The following CDKL4 variants were observed in gnomAD, a reference collection of about 807,000 sequenced individuals.
CDKL4 encodes the protein cyclin dependent kinase like 4.
A neutral mutation model predicts 42.0 loss-of-function variants in CDKL4; 44 were observed. The observed-to-expected ratio is 1.05, with a 90% CI of 0.82 to 1.35. CDKL4 has a LOEUF of 1.35. Among genes scored for constraint, CDKL4 ranks in the 40% most tolerant of loss-of-function variants. The pLI is 0.00. For missense variants in CDKL4, 393 were observed against 369.9 expected, an observed-to-expected ratio of 1.06 and a Z score of -0.51; for synonymous variants, 120 against 121.6, an observed-to-expected ratio of 0.99 and a Z score of 0.09.
At chr2:39,227,983 A>G (rs1451675716) in intron 2 of CDKL4, among the ~76,000 whole-genome samples, 1 of 152,218 alleles carries the variant, frequency 6.6e-6, no homozygotes, top group East Asian at 1.9e-4. Flanking sequence ...TTCAGGACCT[A>G]CATGGACACA....
downstream of CDKL4, among the ~76,000 whole-genome samples, chr2:39,172,560 A>G (rs986247641): frequency 1.3e-5 from 2 of 152,156 alleles, no homozygotes; most frequent in Non-Finnish European, 2.9e-5. Flanking sequence ...AAACAGGCAT[A>G]TGGCATCAGA....
intron 3 of CDKL4, among the ~76,000 whole-genome samples, chr2:39,215,388 T>C (rs1439126649): frequency 1.3e-5 from 2 of 152,262 alleles, no homozygotes; most frequent in African/African-American, 2.4e-5. Context: ...TGGTCTGTTA[T>C]ATATGCTGCA....
upstream of CDKL4, among the ~76,000 whole-genome samples, chr2:39,244,150 T>C (rs561214081): frequency 6.6e-6 from 1 of 152,352 alleles, no homozygotes; most frequent in South Asian, 2.1e-4. Context: ...CGACGCCTCC[T>C]ATGCCTGGGC....
intron 7 of CDKL4, among the ~76,000 whole-genome samples, chr2:39,185,840 A>C (rs1312008478): frequency 6.6e-6 from 1 of 152,140 alleles, no homozygotes; most frequent in Non-Finnish European, 1.5e-5. Flanking sequence ...ACTGAAGTTA[A>C]TTTTCTTAAT....
chr2:39,231,614 T>A (rs577943674), intron 1 of CDKL4, among the ~76,000 whole-genome samples: 2 of 152,384 alleles, frequency 1.3e-5, no homozygotes, highest in South Asian at 4.1e-4. Context: ...TCACAGATTA[T>A]GTTCTGAAAG....
intron 7 of CDKL4, among the ~76,000 whole-genome samples, chr2:39,187,140 TAGC>T (rs1330526361): frequency 6.6e-6 from 1 of 152,122 alleles, no homozygotes; most frequent in Non-Finnish European, 1.5e-5. Flanking sequence ...GTTTTAAAAG[TAGC>T]AGTTTTCCCT....
intron 1 of CDKL4, among the ~76,000 whole-genome samples, chr2:39,237,203 T>C (rs1354083487): frequency 6.6e-6 from 1 of 152,236 alleles, no homozygotes; most frequent in Non-Finnish European, 1.5e-5. Flanking sequence ...ATAGATTATA[T>C]ACCGTGACTC....
intron 3 of CDKL4, among the ~76,000 whole-genome samples, chr2:39,215,516 G>C (rs1170829608): frequency 6.6e-6 from 1 of 152,012 alleles, no homozygotes; most frequent in Non-Finnish European, 1.5e-5. Context: ...TCAACTGTAA[G>C]GATTTTCTTA....
At chr2:39,194,287 T>C (rs549612826) in intron 5 of CDKL4, among the ~76,000 whole-genome samples, 1 of 152,158 alleles carries the variant, frequency 6.6e-6, no homozygotes, top group African/African-American at 2.4e-5. Context: ...TGAAACACTG[T>C]GTCTACCAAA....
At chr2:39,192,906 G>T (rs1211682528) in intron 5 of CDKL4, among the ~76,000 whole-genome samples, 1 of 151,340 alleles carries the variant, frequency 6.6e-6, no homozygotes, top group Non-Finnish European at 1.5e-5. Flanking sequence ...CAGGCGGATC[G>T]TGTGAGCCCA....
At chr2:39,218,839 T>C (rs1409814697) in intron 3 of CDKL4, among the ~76,000 whole-genome samples, 3 of 152,214 alleles carry the variant, frequency 2.0e-5, no homozygotes, top group Admixed American at 6.5e-5. Context: ...AGCTTGCAGA[T>C]GGCAGATTGT....
chr2:39,178,530 A>G (rs1210060281), intron 9 of CDKL4: 1 of 1,549,910 alleles, frequency 6.5e-7, no homozygotes, highest in African/African-American at 1.4e-5. Flanking sequence ...ACCAAAACAA[A>G]CCTATTTCCA....
At chr2:39,242,927 AT>A (rs1558592543) in intron 1 of CDKL4, among the ~76,000 whole-genome samples, 1 of 151,674 alleles carries the variant, frequency 6.6e-6, no homozygotes, top group Non-Finnish European at 1.5e-5. Context: ...GTGAAACCCC[AT>A]TTCTTCTAAA....
At chr2:39,230,357 C>G (rs1232696581) in intron 1 of CDKL4, among the ~76,000 whole-genome samples, 3 of 152,200 alleles carry the variant, frequency 2.0e-5, no homozygotes. Context: ...AAACACAAAA[C>G]AATAACAGAA....
At chr2:39,234,851 G>A (rs910813209) in intron 1 of CDKL4, among the ~76,000 whole-genome samples, 1 of 151,816 alleles carries the variant, frequency 6.6e-6, no homozygotes, top group Non-Finnish European at 1.5e-5. Flanking sequence ...GCCAAGGTGT[G>A]TCCTTCAAGT....
rs192952058 is a variant in CDKL4 at position 39,215,985 on chromosome 2, C to A, written c.291-2513G>T. 2.1e-3 allele frequency among the ~76,000 whole-genome samples: 314 copies of A among 152,282 alleles called. 2 individuals carry two copies. Among genetic ancestry groups the A allele is most frequent in the Non-Finnish European group, 3.2e-3 (220 of 68,030 alleles). On this transcript the variant is annotated intron_variant, in intron 3 of 9. Transcript: ENST00000451199. ...ACTTCACCTAGAGCCAAACCTGAAACAACATTGCGTACACTTTCAAAATAT... is the reference window on the plus strand; with the variant it reads ...ACTTCACCTAGAGCCAAACCTGAAAAAACATTGCGTACACTTTCAAAATAT...
exon 6 of CDKL4, chr2:39,190,318 T>C (rs1474220182): frequency 6.2e-7 from 1 of 1,614,050 alleles, no homozygotes; most frequent in Non-Finnish European, 8.5e-7. Flanking sequence ...GTGTTCTGAT[T>C]ATCAGATAAA....
chr2:39,234,087 T>G (rs1006539955), intron 1 of CDKL4, among the ~76,000 whole-genome samples: 1 of 151,506 alleles, frequency 6.6e-6, no homozygotes, highest in Non-Finnish European at 1.5e-5. Flanking sequence ...CTAATTTTTG[T>G]ATTTTTTAGT....
chr2:39,221,337 A>T (rs1377025754), intron 3 of CDKL4, among the ~76,000 whole-genome samples: 1 of 152,062 alleles, frequency 6.6e-6, no homozygotes, highest in Non-Finnish European at 1.5e-5. Flanking sequence ...TTATGCCCAC[A>T]CACCAGTTAT....
Sources: gnomAD v4.1 joint callset for allele counts (sites outside exome capture counted in the v4.1 genomes callset) on GRCh38, gnomAD v4.1.1 for gene constraint, MANE v1.5 for transcripts, NCBI Gene and HGNC (gene_info 2026-07-23, HGNC 2026-07-21) for gene names.